The following RSF1 variants were observed in gnomAD, a reference collection of about 807,000 sequenced individuals.
RSF1 encodes HBV pX-associated protein 8.
In RSF1, 13 loss-of-function variants were observed where a neutral mutation model predicts 145.2. That is an observed-to-expected ratio of 0.09 (90% CI 0.06 to 0.14). RSF1 has a LOEUF of 0.14. RSF1 is among the 10% of genes least tolerant of loss of function. The pLI is 1.00. For missense variants in RSF1, 1,517 were observed against 1,718.2 expected (o/e 0.88, Z 2.07); for synonymous variants, 577 against 592.6 (o/e 0.97, Z 0.38).
At chr11:77,860,908 G>A in the RSF1 span, among the ~76,000 whole-genome samples, 1 of 152,212 alleles carries the variant, frequency 6.6e-6, no homozygotes, top group African/African-American at 2.4e-5. Flanking sequence ...TTGCACTAAC[G>A]TTCACTGTCT....
At chr11:77,729,431 A>C (rs1961141104) in intron 4 of RSF1, among the ~76,000 whole-genome samples, 1 of 152,164 alleles carries the variant, frequency 6.6e-6, no homozygotes, top group Non-Finnish European at 1.5e-5. Flanking sequence ...GACTTCAATG[A>C]AATGGAACAC....
intron 15 of RSF1, 72 bp from the exon 16 acceptor site, chr11:77,667,563 G>A (rs1959401492): frequency 6.0e-6 from 8 of 1,327,682 alleles, no homozygotes; most frequent in East Asian, 2.3e-5. Context: ...TTTTCCTCCC[G>A]ATATTCACCC....
intron 5 of RSF1, among the ~76,000 whole-genome samples, chr11:77,705,502 G>A (rs1316813462): frequency 6.6e-6 from 1 of 152,214 alleles, no homozygotes; most frequent in Non-Finnish European, 1.5e-5. Context: ...AAAGTTAACA[G>A]TAGAAGACAC....
chr11:77,714,077 C>T (rs1960750455), intron 5 of RSF1, among the ~76,000 whole-genome samples: 1 of 152,164 alleles, frequency 6.6e-6, no homozygotes. Flanking sequence ...AAGCAATGTA[C>T]TTTATGAGAT....
intron 9 of RSF1, among the ~76,000 whole-genome samples, chr11:77,689,599 C>A (rs1362301992): frequency 6.6e-6 from 1 of 152,164 alleles, no homozygotes; most frequent in Non-Finnish European, 1.5e-5. Flanking sequence ...TCCACTTTTC[C>A]ATTTTATCAT....
At chr11:77,781,730 C>T (rs983495301) in intron 1 of RSF1, among the ~76,000 whole-genome samples, 8 of 152,014 alleles carry the variant, frequency 5.3e-5, no homozygotes, top group African/African-American at 9.7e-5. Context: ...TTCTATATTC[C>T]GAATGATTTT....
chr11:77,759,121 A>T (rs1478869927), intron 2 of RSF1, among the ~76,000 whole-genome samples: 1 of 152,242 alleles, frequency 6.6e-6, no homozygotes, highest in African/African-American at 2.4e-5. Context: ...GAATTTTTCT[A>T]TATGATATGA....
At chr11:77,843,106 G>A in the RSF1 span, among the ~76,000 whole-genome samples, 1 of 152,166 alleles carries the variant, frequency 6.6e-6, no homozygotes, top group Non-Finnish European at 1.5e-5. Context: ...TATCTTCCAA[G>A]GCACCTGCAC....
At chr11:77,735,086 C>G (rs1244929388) in intron 4 of RSF1, 19 of 990,178 alleles carry the variant, frequency 1.9e-5, no homozygotes, top group Non-Finnish European at 2.3e-5. Context: ...GGGGCGGCGG[C>G]AGGGGCCTTG....
chr11:77,794,088 G>A (rs767138063), intron 1 of RSF1, among the ~76,000 whole-genome samples: 2 of 152,060 alleles, frequency 1.3e-5, no homozygotes, highest in African/African-American at 2.4e-5. Context: ...TAATAACAGT[G>A]AGGGACTTCA....
the RSF1 span, among the ~76,000 whole-genome samples, chr11:77,845,728 C>T: frequency 6.6e-6 from 1 of 152,152 alleles, no homozygotes; most frequent in Non-Finnish European, 1.5e-5. Flanking sequence ...ACACCTAGCC[C>T]AGAATTTCTG....
At chr11:77,667,710 T>C (rs1337508890) in intron 15 of RSF1, among the ~76,000 whole-genome samples, 1 of 150,622 alleles carries the variant, frequency 6.6e-6, no homozygotes, top group Non-Finnish European at 1.5e-5. Flanking sequence ...CAATATTTTC[T>C]TTTTTTTTAT....
At chr11:77,824,797 T>C (rs1949091805), upstream of RSF1, among the ~76,000 whole-genome samples, 1 of 152,234 alleles carries the variant, frequency 6.6e-6, no homozygotes, top group Non-Finnish European at 1.5e-5. Flanking sequence ...TCAAAATTCA[T>C]TGAACTCTAT....
chr11:77,838,243 A>T, the RSF1 span, among the ~76,000 whole-genome samples: 1 of 140,768 alleles, frequency 7.1e-6, no homozygotes, highest in African/African-American at 2.5e-5. Flanking sequence ...TTATGTGTCA[A>T]CGTGGTAAGG....
At chr11:77,717,194 A>C (rs551128623) in intron 5 of RSF1, among the ~76,000 whole-genome samples, 4 of 151,812 alleles carry the variant, frequency 2.6e-5, no homozygotes, top group East Asian at 1.9e-4. Flanking sequence ...AAAAAAAAAA[A>C]AACACCTTGC....
chr11:77,686,767 C>T (rs1341882364), intron 9 of RSF1, among the ~76,000 whole-genome samples: 1 of 152,120 alleles, frequency 6.6e-6, no homozygotes. Context: ...TGCTGGCTAG[C>T]CACTAAATAC....
At chr11:77,678,186 G>A (rs1308889149) in intron 11 of RSF1, 33 bp from the exon 12 acceptor site, 3 of 1,080,792 alleles carry the variant, frequency 2.8e-6, no homozygotes, top group African/African-American at 1.9e-5. Context: ...ATTATAGCCT[G>A]TCCTGGCTTT....
chr11:77,813,517 C>G, intron 1 of RSF1: 1 of 787,726 alleles, frequency 1.3e-6, no homozygotes, highest in Admixed American at 1.8e-5. Context: ...GGTATTCGAA[C>G]TGGTCCTTTC....
intron 1 of RSF1, among the ~76,000 whole-genome samples, chr11:77,802,261 T>G (rs889111942): frequency 6.6e-6 from 1 of 152,156 alleles, no homozygotes; most frequent in Non-Finnish European, 1.5e-5. Context: ...ACCCCCAATT[T>G]GTAGTCAAGT....
Sources: gnomAD v4.1 joint callset for allele counts (sites outside exome capture counted in the v4.1 genomes callset) on GRCh38, gnomAD v4.1.1 for gene constraint, MANE v1.5 for transcripts, NCBI Gene and HGNC (gene_info 2026-07-23, HGNC 2026-07-21) for gene names.